Variants in SENP2 observed in about 807,000 individuals in gnomAD.
SENP2 encodes SUMO specific peptidase 2.
Under a neutral mutation model 86.3 loss-of-function variants are expected in SENP2, and 16 were observed. The ratio of observed to expected loss-of-function variants is 0.19; its 90% confidence interval spans 0.13 to 0.28. The LOEUF (loss-of-function observed/expected upper bound fraction) is 0.28, where lower values mean the gene tolerates loss of function less well. SENP2 is among the 10% of genes least tolerant of loss of function. The pLI, the probability that SENP2 is intolerant of heterozygous loss-of-function variation, is 1.00. For synonymous variants in SENP2, 222 were observed against 238.7 expected, an observed-to-expected ratio of 0.93 and a Z score of 0.64; for missense variants, 552 against 703.0, an observed-to-expected ratio of 0.79 and a Z score of 2.43.
rs1722318311 is a variant in SENP2 at position 185,600,758 on chromosome 3, T to A, written c.359-7T>A. 4 of 1,556,876 alleles carry A rather than the reference T, an allele frequency of 2.6e-6. No homozygotes were observed. The highest frequency in any genetic ancestry group is 1.7e-5 in the Admixed American group (1 of 57,316). On this transcript the variant is annotated splice_polypyrimidine_tract_variant and splice_region_variant and intron_variant, in intron 4 of 16. Transcript: ENST00000296257. ...ATTTTACAATTACAAATGCATTTTTTAAATAGGTAATAAATCTCCTAATGG... is the reference window on the plus strand; with the variant it reads ...ATTTTACAATTACAAATGCATTTTTAAAATAGGTAATAAATCTCCTAATGG...
intron 5 of SENP2, among the ~76,000 whole-genome samples, chr3:185,601,201 T>C (rs898488392): frequency 4.0e-5 from 6 of 151,858 alleles, no homozygotes; most frequent in South Asian, 2.1e-4. Flanking sequence ...CCCCACACCA[T>C]GCCCGGCTAA....
chr3:185,605,209 A>T (rs2148986578), intron 5 of SENP2, among the ~76,000 whole-genome samples: 1 of 151,604 alleles, frequency 6.6e-6, no homozygotes, highest in Middle Eastern at 3.4e-3. Flanking sequence ...ATCTCTACTT[A>T]AAATACAAAA....
intron 2 of SENP2, among the ~76,000 whole-genome samples, chr3:185,595,182 G>A (rs964370947): frequency 9.9e-5 from 15 of 152,090 alleles, no homozygotes; most frequent in African/African-American, 3.1e-4. Context: ...GGGGCATACC[G>A]AGATTTTGAT....
At chr3:185,617,271 A>G (rs1711654475) in intron 11 of SENP2, among the ~76,000 whole-genome samples, 1 of 152,184 alleles carries the variant, frequency 6.6e-6, no homozygotes, top group African/African-American at 2.4e-5. Context: ...TTTGCAACCA[A>G]CTTGGGCAAT....
Position 185,617,591 on chromosome 3 carries a change from T to C in SENP2, c.1222T>C (p.Tyr408His), listed in dbSNP as rs1239626150. The change falls in exon 12 of 17, where the codon TAT (tyrosine) becomes CAT (histidine). Residue 408 changes from tyrosine to histidine, a missense_variant. By Grantham distance (83) the Tyr-to-His change is moderately conservative. Transcript: ENST00000296257. ...AGGAGATATTCAGACATTAAAGAAC[T>C]ATCACTGGCTCAATGATGAAGTAAG... is the stretch of plus-strand genomic sequence containing the variant. Reference protein sequence around the residue: ...TRGDIQTLKNYHWLNDEVINF... With the variant: ...TRGDIQTLKNHHWLNDEVINF... The C allele has an allele frequency of 6.2e-7, 1 of 1,613,624 alleles. No individual in the cohort carries two copies. The highest frequency in any genetic ancestry group is 8.5e-7 in the Non-Finnish European group (1 of 1,179,712).
chr3:185,618,351 T>G (rs1003616002), intron 12 of SENP2, among the ~76,000 whole-genome samples: 1 of 152,244 alleles, frequency 6.6e-6, no homozygotes, highest in Non-Finnish European at 1.5e-5. Context: ...TCTTGTATCC[T>G]TAATACATTT....
intron 13 of SENP2, among the ~76,000 whole-genome samples, chr3:185,621,230 CAAA>C (rs535814173): frequency 1.5e-5 from 1 of 67,210 alleles, no homozygotes. Context: ...ATAAAGAAAG[CAAA>C]AAAAAAAAAA....
rs774342325 is a variant in SENP2, at chr3:185,590,099, C to G, written c.102-15C>G. 9 of 1,447,248 alleles carry G rather than the reference C, an allele frequency of 6.2e-6. No individual in the cohort carries two copies. The highest frequency in any genetic ancestry group is 1.4e-5 in the South Asian group (1 of 70,048). 89.7% of individuals were successfully genotyped at this position (1,447,248 alleles called of 1,614,324 possible). A position where few individuals can be genotyped will look rare whatever the true frequency, so the allele number is the denominator to read the frequency against. ...TAAATCTATATATATATATTTTTTTCTTTCTCTTTTTCAGCACTCTGTTTT... is the reference window on the plus strand; with the variant it reads ...TAAATCTATATATATATATTTTTTTGTTTCTCTTTTTCAGCACTCTGTTTT... On this transcript the variant is annotated splice_polypyrimidine_tract_variant and intron_variant, in intron 1 of 16. Transcript: ENST00000296257.
At chr3:185,622,649 C>G (rs1711941986) in intron 14 of SENP2, among the ~76,000 whole-genome samples, 1 of 151,936 alleles carries the variant, frequency 6.6e-6, no homozygotes, top group South Asian at 2.1e-4. Context: ...TGGTTCTCTT[C>G]TAGTCTTTTC....
chr3:185,620,665 T>C (rs1442873940), intron 13 of SENP2, among the ~76,000 whole-genome samples: 1 of 151,022 alleles, frequency 6.6e-6, no homozygotes, highest in Non-Finnish European at 1.5e-5. Context: ...AGGCTCGTCT[T>C]GAACTCCTGA....
intron 14 of SENP2, among the ~76,000 whole-genome samples, chr3:185,623,367 C>T (rs780128673): frequency 3.3e-5 from 5 of 151,752 alleles, no homozygotes; most frequent in South Asian, 2.1e-4. Context: ...CGCAAACTCC[C>T]GACCTCAGGT....
intron 7 of SENP2, 115 bp from the exon 8 acceptor site, chr3:185,611,536 T>C (rs1722684980): frequency 1.2e-5 from 7 of 605,708 alleles, no homozygotes; most frequent in South Asian, 2.0e-5. Context: ...TGTAATTTGA[T>C]ATAATAGTGT....
At chr3:185,622,972 A>G (rs568750631) in intron 14 of SENP2, among the ~76,000 whole-genome samples, 2 of 151,704 alleles carry the variant, frequency 1.3e-5, no homozygotes, top group East Asian at 1.9e-4. Flanking sequence ...TTCCGTCACT[A>G]TGCCCGGCTA....
intron 13 of SENP2, among the ~76,000 whole-genome samples, 162 bp from the exon 14 acceptor site, chr3:185,621,664 A>C (rs1191356843): frequency 6.6e-6 from 1 of 152,108 alleles, no homozygotes; most frequent in African/African-American, 2.4e-5. Flanking sequence ...CTGGGATTAC[A>C]GGTGTGAGCC....
Position 185,629,880 on chromosome 3 carries a change from T to C in SENP2, c.*36T>C. On this transcript the variant is annotated 3_prime_UTR_variant, in exon 17 of 17. Coordinates refer to ENST00000296257, the MANE Select transcript of SENP2 (RefSeq NM_021627.3). ...CCTGGTCCCTCTAGCTGCTGGTGGTTCTTTCACAGACATTTCCATATACCT... is the reference window on the plus strand; with the variant it reads ...CCTGGTCCCTCTAGCTGCTGGTGGTCCTTTCACAGACATTTCCATATACCT... The C allele has an allele frequency of 6.2e-7, 1 of 1,601,116 alleles. No homozygotes were observed. The highest frequency in any genetic ancestry group is 8.6e-7 in the Non-Finnish European group (1 of 1,168,334).
rs1187886046 is a variant in SENP2 at position 185,630,886 on chromosome 3, G to A, written c.*1042G>A. 2 of 152,216 alleles carry A rather than the reference G, an allele frequency of 1.3e-5. No homozygotes were observed. The highest frequency in any genetic ancestry group is 2.9e-5 in the Non-Finnish European group (2 of 68,024). The allele number at this position is 152,216 out of a possible 1,614,324, so 9.4% of individuals were successfully genotyped here. A position where few individuals can be genotyped will look rare whatever the true frequency, so the allele number is the denominator to read the frequency against. The stretch of plus-strand genomic sequence containing the variant: ...CACTCCATCCCCACTGAAATTTGTG[G>A]AAGAAAATTTAGTACTTGGCTCTGA... On this transcript the variant is annotated 3_prime_UTR_variant, in exon 17 of 17. Transcript: ENST00000296257.
In SENP2 at chr3:185,628,801, T is replaced by C. The variant is rs574468606; in HGVS notation, c.1708-981T>C. On this transcript the variant is annotated intron_variant, in intron 16 of 16. Transcript: ENST00000296257. ...GATTACAGGCGTGAGCCACCGCGCCTGGCCAAGAATGTGAACTTCCGTATA... is the reference window on the plus strand; with the variant it reads ...GATTACAGGCGTGAGCCACCGCGCCCGGCCAAGAATGTGAACTTCCGTATA... 4.0e-4 allele frequency among the ~76,000 whole-genome samples: 61 copies of C among 152,316 alleles called. 1 individual carries two copies. In the Middle Eastern group the frequency reaches 0.017, roughly 42 times the overall value.
chr3:185,607,015 C>G, intron 6 of SENP2: 1 of 249,786 alleles, frequency 4.0e-6, no homozygotes, highest in Non-Finnish European at 8.0e-6. Context: ...GAGTGAGACT[C>G]TTGTCACCCA....
At chr3:185,606,966 T>A (rs1722534352) in intron 6 of SENP2, 1 of 266,698 alleles carries the variant, frequency 3.7e-6, no homozygotes, top group East Asian at 8.8e-5. Flanking sequence ...ATATCTACTA[T>A]GTTATATATT....
Sources: gnomAD v4.1 joint callset for allele counts (sites outside exome capture counted in the v4.1 genomes callset) on GRCh38, gnomAD v4.1.1 for gene constraint, MANE v1.5 for transcripts, NCBI Gene and HGNC (gene_info 2026-07-23, HGNC 2026-07-21) for gene names.